UCP2: variants seen among roughly 807,000 people sequenced by gnomAD.
UCP2 encodes the protein uncoupling protein 2, also known as dicarboxylate carrier SLC25A8.
In UCP2, 27 loss-of-function variants were observed where a neutral mutation model predicts 31.3. The ratio of observed to expected loss-of-function variants is 0.86; its 90% confidence interval spans 0.64 to 1.19. UCP2 has a LOEUF of 1.19. Ranked by LOEUF, UCP2 falls within the 50% of genes most tolerant of loss-of-function variation. The pLI, the probability that UCP2 is intolerant of heterozygous loss-of-function variation, is 0.00. For synonymous variants in UCP2, 142 were observed against 157.4 expected, an observed-to-expected ratio of 0.90 and a Z score of 0.73; for missense variants, 377 against 413.5, an observed-to-expected ratio of 0.91 and a Z score of 0.76.
chr11:73,977,496 T>G (rs1302857753), intron 4 of UCP2, among the ~76,000 whole-genome samples: 4 of 152,150 alleles, frequency 2.6e-5, no homozygotes, highest in African/African-American at 4.8e-5. Context: ...CATGGCATAC[T>G]AAGGAGGTGA....
chr11:73,978,090 C>T lies in UCP2; in HGVS notation c.133G>A (p.Gly45Arg). The stretch of plus-strand genomic sequence containing the variant: ...GCGCGCACTGGCCCCTGACTTTCTC[C>T]TTGGATCTGCAAGGCCAAGACAGGG... ...DTAKVRLQIQ[G>R]ESQGPVRATA... Residue 45 changes from glycine to arginine, a missense_variant, in exon 4 of 8, where the codon GGA becomes AGA. Transcript: ENST00000663595. 6.2e-7 allele frequency: 1 copy of T among 1,614,098 alleles called. No homozygotes were observed. Among genetic ancestry groups the T allele is most frequent in the Non-Finnish European group, 8.5e-7 (1 of 1,179,998 alleles).
intron 2 of UCP2, chr11:73,980,822 G>A (rs977794412): frequency 4.6e-5 from 7 of 152,212 alleles, no homozygotes; most frequent in African/African-American, 1.7e-4. Flanking sequence ...TCAGGCAAAT[G>A]GTATCCCTTC....
chr11:73,976,740 T>A lies in UCP2; in HGVS notation c.535A>T (p.Thr179Ser), dbSNP rs752912178. The change falls in exon 6 of 8, where the codon ACC becomes TCC. Residue 179 changes from threonine (T) to serine (S), a missense_variant and splice_region_variant. By Grantham distance (58) the Thr-to-Ser change is moderately conservative. Transcript: ENST00000663595. ...GCATTACGAGCAACATTGGGAGAGG[T>A]CCCTGTAGGAGGAGGAAGATCCTGG... ...EEGFRGLWKGTSPNVARNAIV... is the reference protein window; with the variant it reads ...EEGFRGLWKGSSPNVARNAIV... 3.7e-6 allele frequency: 6 copies of A among 1,613,610 alleles called. No individual in the cohort carries two copies. Among genetic ancestry groups the A allele is most frequent in the Non-Finnish European group, 5.1e-6 (6 of 1,179,956 alleles).
intron 7 of UCP2, 122 bp downstream of exon 7, chr11:73,975,369 C>T: frequency 8.1e-7 from 1 of 1,238,848 alleles, no homozygotes; most frequent in Non-Finnish European, 1.1e-6. Flanking sequence ...GGTGAAATGC[C>T]AGGACCAGGA....
chr11:73,978,656 C>T, intron 2 of UCP2, 179 bp from the exon 3 acceptor site: 1 of 445,286 alleles, frequency 2.2e-6, no homozygotes, highest in Non-Finnish European at 4.2e-6. Context: ...TGAAGCAATT[C>T]CTGCTCAAGC....
upstream of UCP2, chr11:73,982,854 G>C (rs1385040110): frequency 6.9e-6 from 1 of 144,214 alleles, no homozygotes; most frequent in Non-Finnish European, 1.5e-5. Context: ...GGGGCTCCGC[G>C]CAGGCGGCGG....
Position 73,975,611 on chromosome 11 carries a change from G to A in UCP2, c.695C>T (p.Ala232Val), listed in dbSNP as rs1323726097. Reference sequence around the variant, plus strand: ...CGTCTTGACCACGTCTACAGGGGAGGCGATGACAGTGGTGCAGAAGCCTGC... The same window carrying A: ...CGTCTTGACCACGTCTACAGGGGAGACGATGACAGTGGTGCAGAAGCCTGC... ...FGAGFCTTVI[A>V]SPVDVVKTRY... is the part of the protein sequence containing the mutation. The change falls in exon 7 of 8, where the codon GCC (alanine) becomes GTC (valine). Residue 232 changes from alanine (A) to valine (V), a missense_variant. Coordinates refer to ENST00000663595, the MANE Select transcript of UCP2 (RefSeq NM_003355.3). 1.2e-6 allele frequency: 2 copies of A among 1,614,224 alleles called. No homozygotes were observed. Among genetic ancestry groups the A allele is most frequent in the Non-Finnish European group, 8.5e-7 (1 of 1,180,052 alleles).
At chr11:73,979,114 G>C (rs1415731171) in intron 2 of UCP2, among the ~76,000 whole-genome samples, 1 of 152,208 alleles carries the variant, frequency 6.6e-6, no homozygotes, top group Non-Finnish European at 1.5e-5. Context: ...ATCTACTCTA[G>C]AGGAGGCTTA....
intron 4 of UCP2, 193 bp from the exon 5 acceptor site, chr11:73,977,210 C>T (rs1194512969): frequency 3.3e-6 from 2 of 604,010 alleles, no homozygotes; most frequent in Admixed American, 3.2e-5. Context: ...ATATCTACTT[C>T]TTGCTAGGGA....
At chr11:73,976,526 C>T (rs1453017372) in intron 6 of UCP2, 115 bp downstream of exon 6, 7 of 871,588 alleles carry the variant, frequency 8.0e-6, no homozygotes, top group Non-Finnish European at 1.3e-5. Context: ...CTTACTCTCC[C>T]TGCAAAGGGC....
At chr11:73,979,147 G>A (rs1168127134) in intron 2 of UCP2, among the ~76,000 whole-genome samples, 1 of 152,206 alleles carries the variant, frequency 6.6e-6, no homozygotes, top group Non-Finnish European at 1.5e-5. Flanking sequence ...GGGGGTGGAT[G>A]GGCAGATGAT....
chr11:73,979,618 G>A (rs2200614), intron 2 of UCP2, among the ~76,000 whole-genome samples: 37,713 of 151,986 alleles, frequency 0.25, 4,878 homozygotes, highest in Admixed American at 0.33. Context: ...CTTGAACCCA[G>A]GAGTTCAAGA....
chr11:73,975,689 G>C lies in UCP2; in HGVS notation c.635-18C>G. 6.2e-7 allele frequency: 1 copy of C among 1,614,128 alleles called. No individual in the cohort carries two copies. The highest frequency in any genetic ancestry group is 8.5e-7 in the Non-Finnish European group (1 of 1,180,008). Reference sequence around the variant, plus strand: ...GAGGTCATCTGCCAAGGAGGAGCAGGCAAGGCAGTCAAGATCTTCACCCAT... The same window carrying C: ...GAGGTCATCTGCCAAGGAGGAGCAGCCAAGGCAGTCAAGATCTTCACCCAT... On this transcript the variant is annotated intron_variant, in intron 6 of 7. Coordinates refer to ENST00000663595, the MANE Select transcript of UCP2 (RefSeq NM_003355.3).
At chr11:73,982,259 AAGAG>A (rs1951470941) in intron 1 of UCP2, among the ~76,000 whole-genome samples, 1 of 152,210 alleles carries the variant, frequency 6.6e-6, no homozygotes, top group African/African-American at 2.4e-5. Flanking sequence ...GACTAAGAAA[AAGAG>A]AGAAGAGAAA....
Position 73,978,076 on chromosome 11 carries a change from C to T in UCP2, c.147G>A (p.Gly49=). 1 of 1,614,112 alleles carries T rather than the reference C, an allele frequency of 6.2e-7. No individual in the cohort carries two copies. The highest frequency in any genetic ancestry group is 1.3e-5 in the African/African-American group (1 of 75,044). The stretch of plus-strand genomic sequence containing the variant: ...GGGCGCTGGCTGTAGCGCGCACTGG[C>T]CCCTGACTTTCTCCTTGGATCTGCA... ...VRLQIQGESQ[G]PVRATASAQY... Residue 49 remains glycine (G), a synonymous_variant, in exon 4 of 8, where the codon GGG becomes GGA. Transcript: ENST00000663595.
rs1161022140 is a variant in UCP2 at position 73,975,690 on chromosome 11, C to A, written c.635-19G>T. On this transcript the variant is annotated intron_variant, in intron 6 of 7. Coordinates refer to ENST00000663595, the MANE Select transcript of UCP2 (RefSeq NM_003355.3). Reference sequence around the variant, plus strand: ...AGGTCATCTGCCAAGGAGGAGCAGGCAAGGCAGTCAAGATCTTCACCCATC... The same window carrying A: ...AGGTCATCTGCCAAGGAGGAGCAGGAAAGGCAGTCAAGATCTTCACCCATC... 6.2e-7 allele frequency: 1 copy of A among 1,613,998 alleles called. No individual in the cohort carries two copies. Among genetic ancestry groups the A allele is most frequent in the South Asian group, 1.1e-5 (1 of 91,068 alleles).
At position 73,974,931 on chromosome 11, in the gene UCP2, G is replaced by C. The variant is rs1050885; in HGVS notation, c.*76C>G. On this transcript the variant is annotated 3_prime_UTR_variant, in exon 8 of 8. Coordinates refer to ENST00000663595, the MANE Select transcript of UCP2 (RefSeq NM_003355.3). ...AAGGAGAGAAGGGAAGGAGGGAAGA[G>C]AAAGAAGGAAGAAAAGGAAAGCATG... 8.0e-7 allele frequency: 1 copy of C among 1,248,680 alleles called. No individual in the cohort carries two copies. The highest frequency in any genetic ancestry group is 1.2e-6 in the Non-Finnish European group (1 of 868,262). The allele number at this position is 1,248,680 out of a possible 1,614,324, so 77.4% of individuals were successfully genotyped here. A position where few individuals can be genotyped will look rare whatever the true frequency, so the allele number is the denominator to read the frequency against.
chr11:73,979,568 A>AAAC (rs1473347887), intron 2 of UCP2, among the ~76,000 whole-genome samples: 3,059 of 150,558 alleles, frequency 0.02, 108 homozygotes, highest in African/African-American at 0.069. Flanking sequence ...AACAAACAAA[A>AAAC]AAAAACCTAG....
intron 6 of UCP2, among the ~76,000 whole-genome samples, chr11:73,976,383 A>G (rs2135364278): frequency 6.6e-6 from 1 of 152,170 alleles, no homozygotes; most frequent in East Asian, 1.9e-4. Flanking sequence ...AAAAAACAAA[A>G]ACAGACAGGG....
Sources: allele counts gnomAD v4.1 joint callset (sites outside exome capture counted in the v4.1 genomes callset), GRCh38; gene constraint gnomAD v4.1.1; transcripts MANE v1.5; gene names NCBI Gene and HGNC (gene_info 2026-07-23, HGNC 2026-07-21).